CNGB1: variants seen among roughly 807,000 people sequenced by gnomAD.
CNGB1 encodes cyclic nucleotide-gated channel beta-1.
Under a neutral mutation model 151.7 loss-of-function variants are expected in CNGB1, and 126 were observed. The observed-to-expected ratio is 0.83, with a 90% confidence interval of 0.72 to 0.96. The LOEUF (loss-of-function observed/expected upper bound fraction) is 0.96. Among genes scored for constraint, CNGB1 ranks in the 40% least tolerant of loss-of-function variants. The pLI is 0.00. For missense variants in CNGB1, 1,698 were observed against 1,627.0 expected, an observed-to-expected ratio of 1.04 and a Z score of -0.75; for synonymous variants, 623 against 635.1, an observed-to-expected ratio of 0.98 and a Z score of 0.29.
chr16:57,923,219 T>TCCCCCCCCCCC, intron 18 of CNGB1, 54 bp downstream of exon 18: 1 of 923,460 alleles, frequency 1.1e-6, no homozygotes, highest in South Asian at 1.4e-5. Context: ...CCCCCCCACA[T>TCCCCCCCCCCC]CCCCCACCCT....
intron 31 of CNGB1, among the ~76,000 whole-genome samples, chr16:57,894,552 G>C (rs1228153515): frequency 6.6e-6 from 1 of 152,186 alleles, no homozygotes; most frequent in African/African-American, 2.4e-5. Context: ...AGTGAGCCAA[G>C]ACCTAACCAC....
intron 6 of CNGB1, 86 bp from the exon 7 acceptor site, chr16:57,962,696 C>T: frequency 6.4e-7 from 1 of 1,563,602 alleles, no homozygotes; most frequent in Non-Finnish European, 8.8e-7. Flanking sequence ...GCACCGAGAG[C>T]TCAGCTCAAC....
At chr16:57,902,587 A>AAAACTATTTTACTAAATCCCC (rs1184735395) in intron 27 of CNGB1, among the ~76,000 whole-genome samples, 18 of 151,282 alleles carry the variant, frequency 1.2e-4, no homozygotes, top group East Asian at 7.8e-4. Flanking sequence ...GATTACAGGC[A>AAAACTATTTTACTAAATCCCC]TGAGCCACCG....
rs1046645837 is a variant in CNGB1 at position 57,919,259 on chromosome 16, G to A, written c.1802-5C>T. The A allele has an allele frequency of 6.2e-7, 1 of 1,614,162 alleles. No individual in the cohort carries two copies. Among genetic ancestry groups the A allele is most frequent in the Non-Finnish European group, 8.5e-7 (1 of 1,180,038 alleles). On this transcript the variant is annotated splice_polypyrimidine_tract_variant and splice_region_variant and intron_variant, in intron 19 of 32. Coordinates refer to ENST00000251102, the MANE Select transcript of CNGB1 (RefSeq NM_001297.5). The stretch of plus-strand genomic sequence containing the variant: ...CTGGGGCTTTCTTGGCTGGGGCTGT[G>A]GGATGACATTGGTGACCATCTGAAC...
chr16:57,917,581 G>T, intron 20 of CNGB1, 105 bp from the exon 21 acceptor site: 1 of 1,012,420 alleles, frequency 9.9e-7, no homozygotes, highest in Non-Finnish European at 1.6e-6. Flanking sequence ...ACTACTACAT[G>T]TGGCACTTTT....
intron 10 of CNGB1, 131 bp from the exon 11 acceptor site, chr16:57,958,616 G>T: frequency 2.7e-6 from 2 of 751,582 alleles, no homozygotes; most frequent in Non-Finnish European, 4.5e-6. Context: ...CCAGAGCCCA[G>T]GTCTCCAGCC....
intron 17 of CNGB1, among the ~76,000 whole-genome samples, chr16:57,926,019 G>A (rs968844441): frequency 2.0e-4 from 31 of 152,150 alleles, no homozygotes; most frequent in Non-Finnish European, 3.4e-4. Context: ...CTTCATTTCC[G>A]TGAGGTTTGA....
rs1346148305 is a variant in CNGB1 at position 57,901,529 on chromosome 16, T to C, written c.2891A>G (p.Gln964Arg). Reference protein sequence around the residue: ...YNIVSKVALFQGCDRQMIFDM... With the variant: ...YNIVSKVALFRGCDRQMIFDM... Reference sequence around the variant, plus strand: ...GCGTGAGGGCACCAAAAGGTGTACCTGAAAGAGTGCGACTTTGCTAACGAT... The same window carrying C: ...GCGTGAGGGCACCAAAAGGTGTACCCGAAAGAGTGCGACTTTGCTAACGAT... Residue 964 changes from glutamine (Q) to arginine (R), a missense_variant and splice_region_variant, in exon 28 of 33, where the codon CAG becomes CGG. By Grantham distance (43) the Gln-to-Arg change is conservative. Coordinates refer to ENST00000251102, the MANE Select transcript of CNGB1 (RefSeq NM_001297.5). 6.2e-7 allele frequency: 1 copy of C among 1,614,050 alleles called. No homozygotes were observed. Among genetic ancestry groups the C allele is most frequent in the East Asian group, 2.2e-5 (1 of 44,896 alleles).
intron 17 of CNGB1, among the ~76,000 whole-genome samples, chr16:57,929,283 T>C (rs1961275816): frequency 6.6e-6 from 1 of 152,204 alleles, no homozygotes; most frequent in Non-Finnish European, 1.5e-5. Flanking sequence ...TAGTCCATTT[T>C]CACACTGCTA....
chr16:57,923,213 CCCA>C, intron 18 of CNGB1, 57 bp downstream of exon 18: 1 of 1,302,266 alleles, frequency 7.7e-7, no homozygotes, highest in Non-Finnish European at 1.1e-6. Flanking sequence ...CACTAGCCCC[CCCA>C]CATCCCCCAC....
intron 26 of CNGB1, 24 bp downstream of exon 26, chr16:57,904,710 G>A: frequency 6.2e-7 from 1 of 1,613,760 alleles, no homozygotes; most frequent in Non-Finnish European, 8.5e-7. Context: ...GGTGGGGTGG[G>A]AAGCTGGGCT....
intron 20 of CNGB1, 80 bp from the exon 21 acceptor site, chr16:57,917,556 C>A: frequency 3.0e-6 from 4 of 1,347,336 alleles, no homozygotes; most frequent in South Asian, 2.3e-5. Flanking sequence ...GGGTTTTGTT[C>A]TTTCTACTCC....
chr16:57,912,121 T>C (rs1960733968), intron 24 of CNGB1, among the ~76,000 whole-genome samples: 3 of 151,964 alleles, frequency 2.0e-5, no homozygotes, highest in Admixed American at 2.0e-4. Flanking sequence ...TGTGTGTGTG[T>C]GTGTGGAGGA....
chr16:57,938,288 G>A (rs1463777392), intron 16 of CNGB1, among the ~76,000 whole-genome samples: 2 of 152,170 alleles, frequency 1.3e-5, no homozygotes, highest in African/African-American at 4.8e-5. Context: ...GACTTAGTAG[G>A]AATTCCTATA....
intron 29 of CNGB1, among the ~76,000 whole-genome samples, chr16:57,900,498 C>T (rs964869881): frequency 6.6e-6 from 1 of 152,176 alleles, no homozygotes; most frequent in Non-Finnish European, 1.5e-5. Flanking sequence ...TGACCCCTCC[C>T]GTCACTCACC....
chr16:57,948,137 C>G (rs1961854321), intron 14 of CNGB1, among the ~76,000 whole-genome samples: 1 of 152,242 alleles, frequency 6.6e-6, no homozygotes, highest in South Asian at 2.1e-4. Context: ...TTACTGTCAC[C>G]TGGCCCACCA....
intron 31 of CNGB1, among the ~76,000 whole-genome samples, chr16:57,888,644 G>T (rs764642699): frequency 2.6e-4 from 39 of 152,124 alleles, no homozygotes; most frequent in Non-Finnish European, 4.6e-4. Flanking sequence ...TAGAGACAGG[G>T]TTTCGCCATG....
chr16:57,910,859 C>T (rs1358141155), intron 25 of CNGB1, among the ~76,000 whole-genome samples: 1 of 152,154 alleles, frequency 6.6e-6, no homozygotes, highest in Non-Finnish European at 1.5e-5. Flanking sequence ...AACCACCTTG[C>T]ACACATGTCA....
At chr16:57,930,513 G>A (rs1022878323) in intron 17 of CNGB1, among the ~76,000 whole-genome samples, 8 of 145,608 alleles carry the variant, frequency 5.5e-5, no homozygotes, top group African/African-American at 2.1e-4. Flanking sequence ...AAGCAGGAGA[G>A]GGGAGGGAAG....
Sources: gnomAD v4.1 joint callset for allele counts (sites outside exome capture counted in the v4.1 genomes callset) on GRCh38, gnomAD v4.1.1 for gene constraint, MANE v1.5 for transcripts, NCBI Gene and HGNC (gene_info 2026-07-23, HGNC 2026-07-21) for gene names.